The following RCOR1 variants were observed in gnomAD, a reference collection of about 807,000 sequenced individuals.
RCOR1 encodes REST corepressor.
RCOR1 carries 12 observed loss-of-function variants against 64.0 expected under a neutral mutation model. The observed-to-expected ratio is 0.19, with a 90% CI of 0.12 to 0.30. RCOR1 has a LOEUF of 0.30. RCOR1 is among the 10% of genes least tolerant of loss of function. RCOR1 has a pLI of 1.00. For missense variants in RCOR1, 502 were observed against 621.2 expected (o/e 0.81, Z 2.04); for synonymous variants, 279 against 227.2 (o/e 1.23, Z -2.05).
At chr14:102,633,872 G>T (rs1398048994) in intron 2 of RCOR1, among the ~76,000 whole-genome samples, 1 of 152,104 alleles carries the variant, frequency 6.6e-6, no homozygotes, top group East Asian at 1.9e-4. Context: ...ATCAAATCTT[G>T]AGAAGTTGAC....
chr14:102,678,419 C>T (rs575509028), intron 2 of RCOR1, among the ~76,000 whole-genome samples: 1 of 152,250 alleles, frequency 6.6e-6, no homozygotes, highest in Non-Finnish European at 1.5e-5. Context: ...CCTGCCTCAG[C>T]CTCCTGAGTA....
At chr14:102,679,492 T>C (rs1254085931) in intron 2 of RCOR1, among the ~76,000 whole-genome samples, 1 of 151,868 alleles carries the variant, frequency 6.6e-6, no homozygotes, top group African/African-American at 2.4e-5. Flanking sequence ...TTCTTTTTTT[T>C]TTTTGAGACA....
At chr14:102,663,378 A>G (rs1483896814) in intron 2 of RCOR1, among the ~76,000 whole-genome samples, 1 of 152,210 alleles carries the variant, frequency 6.6e-6, no homozygotes, top group Non-Finnish European at 1.5e-5. Context: ...GTTCCCTTCT[A>G]ACATCCTGTT....
chr14:102,652,817 A>G (rs2139930953), intron 2 of RCOR1, among the ~76,000 whole-genome samples: 1 of 152,358 alleles, frequency 6.6e-6, no homozygotes, highest in South Asian at 2.1e-4. Context: ...AACTGTGCAA[A>G]TAAAATGGGA....
chr14:102,706,890 C>G (rs1422277854), intron 4 of RCOR1, among the ~76,000 whole-genome samples: 1 of 151,754 alleles, frequency 6.6e-6, no homozygotes, highest in African/African-American at 2.4e-5. Context: ...TATAGTTTCT[C>G]TGTGACCACT....
intron 10 of RCOR1, 158 bp downstream of exon 10, chr14:102,721,535 A>G: frequency 2.3e-6 from 1 of 441,856 alleles, no homozygotes; most frequent in South Asian, 7.5e-5. Context: ...TGGACAACAG[A>G]GGGAGACCCT....
chr14:102,705,411 A>C (rs1011352761), intron 4 of RCOR1, among the ~76,000 whole-genome samples: 1 of 152,138 alleles, frequency 6.6e-6, no homozygotes, highest in African/African-American at 2.4e-5. Context: ...TAAAGGTGTA[A>C]TGTGCAACTT....
Position 102,707,438 on chromosome 14 carries a change from A to G in RCOR1, c.586A>G (p.Thr196Ala), listed in dbSNP as rs773148505. ...PNFTPFPDEW[T>A]VEDKVLFEQA... ...CTTTACCCCTTTCCCAGATGAGTGGACTGTGGAAGATAAAGTCTTATTTGA... is the reference window on the plus strand; with the variant it reads ...CTTTACCCCTTTCCCAGATGAGTGGGCTGTGGAAGATAAAGTCTTATTTGA... Residue 196 changes from threonine (T) to alanine (A), a missense_variant, in exon 5 of 12, where the codon ACT (threonine) becomes GCT (alanine). By Grantham distance (58) the Thr-to-Ala change is moderately conservative (BLOSUM62 0). Around this residue, in one of 2 missense-constraint regions of RCOR1, gnomAD observed 260 missense variants for 416.4 expected, o/e 0.62. Transcript: ENST00000262241. 1 of 1,613,244 alleles carries G rather than the reference A, an allele frequency of 6.2e-7. No homozygotes were observed. Among genetic ancestry groups the G allele is most frequent in the Non-Finnish European group, 8.5e-7 (1 of 1,179,620 alleles).
intron 2 of RCOR1, among the ~76,000 whole-genome samples, chr14:102,597,817 ATTT>A (rs563390894): frequency 7.4e-6 from 1 of 135,306 alleles, no homozygotes. Flanking sequence ...TATTTTTGCA[ATTT>A]TTTTTTTTTT....
In RCOR1 at chr14:102,662,072, T is replaced by C. The variant is rs529505397; in HGVS notation, c.362-19823T>C. The stretch of plus-strand genomic sequence containing the variant: ...ACTGTGCCCTGCCTATGAGTTGTTA[T>C]AGACTGGGTGATTTTGTAGTAGGCA... On this transcript the variant is annotated intron_variant, in intron 2 of 11. Coordinates refer to ENST00000262241, the MANE Select transcript of RCOR1 (RefSeq NM_015156.4). Among the ~76,000 whole-genome samples, 27 of 152,358 alleles carry C rather than the reference T, an allele frequency of 1.8e-4. 1 individual carries two copies. The South Asian group carries it at 4.3e-3, about 25-fold the overall frequency.
intron 2 of RCOR1, among the ~76,000 whole-genome samples, chr14:102,593,702 G>T: frequency 6.6e-6 from 1 of 152,164 alleles, no homozygotes; most frequent in East Asian, 1.9e-4. Context: ...TCCTGCGAGC[G>T]CCCCGGACTT....
intron 2 of RCOR1, among the ~76,000 whole-genome samples, chr14:102,674,900 A>C (rs536780556): frequency 6.6e-6 from 1 of 152,110 alleles, no homozygotes; most frequent in Non-Finnish European, 1.5e-5. Context: ...CTCTACTAAA[A>C]ATACAAAAAA....
In RCOR1 at chr14:102,623,432, G is replaced by A. The variant is rs112088457; in HGVS notation, c.361+30107G>A. ...TTTATTTATTTATTTATTTTGAGAC[G>A]GAGTCTCGCTCTGTCGCCCAGGCTG... On this transcript the variant is annotated intron_variant, in intron 2 of 11. Transcript: ENST00000262241. 5.6e-5 allele frequency among the ~76,000 whole-genome samples: 8 copies of A among 142,568 alleles called. 1 individual carries two copies. The highest frequency in any genetic ancestry group is 2.1e-4 in the African/African-American group (8 of 37,796). 93.5% of individuals were successfully genotyped at this position (142,568 alleles called of 152,430 possible). A position where few individuals can be genotyped will look rare whatever the true frequency, so the allele number is the denominator to read the frequency against.
intron 11 of RCOR1, among the ~76,000 whole-genome samples, chr14:102,723,707 A>C (rs141529633): frequency 2.6e-5 from 4 of 152,232 alleles, no homozygotes; most frequent in Admixed American, 6.5e-5. Flanking sequence ...CCCTGTTAGC[A>C]CTCAGTTTCG....
In RCOR1 at chr14:102,593,161, C is replaced by T. The variant is rs1006499467; in HGVS notation, c.275C>T (p.Ser92Leu). 9.8e-6 allele frequency: 15 copies of T among 1,524,598 alleles called. No homozygotes were observed. In the African/African-American group the frequency reaches 1.6e-4, roughly 16 times the overall value. 94.4% of individuals were successfully genotyped at this position (1,524,598 alleles called of 1,614,324 possible). A position where few individuals can be genotyped will look rare whatever the true frequency, so the allele number is the denominator to read the frequency against. The change falls in exon 1 of 12, where the codon TCG (serine) becomes TTG (leucine). Residue 92 changes from serine (S) to leucine (L), a missense_variant. Ser to Leu is a moderately radical substitution (Grantham distance 145). Around this residue, in one of 2 missense-constraint regions of RCOR1, gnomAD observed 242 missense variants for 204.9 expected, o/e 1.18. Transcript: ENST00000262241. Reference protein sequence around the residue: ...SSSNSWEEGSSGSSSDEEHGG... With the variant: ...SSSNSWEEGSLGSSSDEEHGG... ...AGCAACTCCTGGGAGGAAGGCAGCT[C>T]GGGCTCGTCCAGCGACGAGGAGCAC...
intron 3 of RCOR1, among the ~76,000 whole-genome samples, 198 bp from the exon 4 acceptor site, chr14:102,701,080 A>C (rs1234705345): frequency 6.6e-6 from 1 of 152,238 alleles, no homozygotes; most frequent in East Asian, 1.9e-4. Context: ...CCCATCCTCC[A>C]TGATTCAGTT....
intron 3 of RCOR1, among the ~76,000 whole-genome samples, chr14:102,690,652 C>T (rs548341734): frequency 7.2e-5 from 11 of 152,212 alleles, no homozygotes; most frequent in Middle Eastern, 6.8e-3. Context: ...CATGGCTCAC[C>T]CCCCAGTTCA....
chr14:102,703,505 G>A (rs187673051), intron 4 of RCOR1, among the ~76,000 whole-genome samples: 1 of 152,174 alleles, frequency 6.6e-6, no homozygotes, highest in African/African-American at 2.4e-5. Context: ...GCTTATTAGG[G>A]TATTTCTTGT....
At chr14:102,675,361 A>G (rs372092889) in intron 2 of RCOR1, among the ~76,000 whole-genome samples, 4 of 152,314 alleles carry the variant, frequency 2.6e-5, no homozygotes, top group African/African-American at 9.6e-5. Context: ...ATACATACCT[A>G]TGATAAAGAT....
Sources: gnomAD v4.1 joint callset for allele counts (sites outside exome capture counted in the v4.1 genomes callset) on GRCh38, gnomAD v4.1.1 for gene constraint, gnomAD v4.1.1 regional missense constraint, MANE v1.5 for transcripts, NCBI Gene and HGNC (gene_info 2026-07-23, HGNC 2026-07-21) for gene names.